Variants in CHD2 observed in about 807,000 individuals in gnomAD.
The protein encoded by CHD2 is ATP-dependent chromatin remodeler CHD2.
In CHD2, 28 loss-of-function variants were observed where a neutral mutation model predicts 243.9. The observed-to-expected ratio is 0.11, with a 90% CI of 0.09 to 0.16. The LOEUF is 0.16. Ranked by LOEUF, CHD2 falls within the 10% of genes least tolerant of loss-of-function variation. The pLI is 1.00. For synonymous variants in CHD2, 775 were observed against 779.0 expected, an observed-to-expected ratio of 0.99 and a Z score of 0.09; for missense variants, 1,386 against 2,209.8, an observed-to-expected ratio of 0.63 and a Z score of 7.47.
chr15:92,954,148 A>C (rs1041290555), intron 14 of CHD2: 4 of 153,052 alleles, frequency 2.6e-5, no homozygotes, highest in African/African-American at 9.6e-5. Context: ...CTTTATAGTA[A>C]CTTTTTTTAA....
chr15:92,968,593 C>G (rs2053798505), intron 17 of CHD2, among the ~76,000 whole-genome samples: 1 of 152,158 alleles, frequency 6.6e-6, no homozygotes, highest in Admixed American at 6.5e-5. Context: ...TTTTATCACT[C>G]ACTTGTTTAT....
At chr15:93,014,572 G>A in intron 36 of CHD2, 124 bp from the exon 37 acceptor site, 1 of 796,338 alleles carries the variant, frequency 1.3e-6, no homozygotes, top group South Asian at 1.8e-5. Context: ...TTAGGAGGTA[G>A]TAAACGCCAG....
chr15:92,924,621 A>C, intron 3 of CHD2, 69 bp downstream of exon 3: 1 of 1,324,156 alleles, frequency 7.6e-7, no homozygotes, highest in Non-Finnish European at 1.1e-6. Flanking sequence ...TTTGTTGTTC[A>C]TGAAAACTCA....
At chr15:92,931,668 A>C (rs1169853752) in intron 5 of CHD2, among the ~76,000 whole-genome samples, 1 of 152,146 alleles carries the variant, frequency 6.6e-6, no homozygotes, top group Non-Finnish European at 1.5e-5. Context: ...GAGCCACTGC[A>C]CCCAGCCTGT....
At chr15:93,004,242 C>A (rs1390776069) in intron 33 of CHD2, among the ~76,000 whole-genome samples, 1 of 151,960 alleles carries the variant, frequency 6.6e-6, no homozygotes, top group Non-Finnish European at 1.5e-5. Flanking sequence ...ATACAGATTC[C>A]TAAACCAAAG....
intron 13 of CHD2, among the ~76,000 whole-genome samples, chr15:92,949,552 A>G (rs1197800261): frequency 6.6e-6 from 1 of 152,160 alleles, no homozygotes; most frequent in Non-Finnish European, 1.5e-5. Flanking sequence ...AGTCTGTAGG[A>G]TTATCCTGTT....
rs1298978258 is a variant in CHD2 at position 92,937,641 on chromosome 15, A to G, written c.551+16A>G. ...TCCCCAGAAGGTGCACTGTTTGCTT[A>G]AGATCTCTACTTGGGATGAGCTTAA... On this transcript the variant is annotated intron_variant, in intron 6 of 38. Coordinates refer to ENST00000394196, the MANE Select transcript of CHD2 (RefSeq NM_001271.4). The G allele has an allele frequency of 6.3e-7, 1 of 1,582,618 alleles. No individual in the cohort carries two copies. The highest frequency in any genetic ancestry group is 8.7e-7 in the Non-Finnish European group (1 of 1,155,802).
Position 92,900,648 on chromosome 15 carries a change from A to T in CHD2, c.-248A>T. ...CCTAATGAGGTTTTTTTTCTTTCGG[A>T]CCTGTTTTAGTATTAATTATTGCTT... On this transcript the variant is annotated 5_prime_UTR_variant, in exon 1 of 39. Coordinates refer to ENST00000394196, the MANE Select transcript of CHD2 (RefSeq NM_001271.4). 2.5e-6 allele frequency: 1 copy of T among 397,382 alleles called. No individual in the cohort carries two copies. The highest frequency in any genetic ancestry group is 4.4e-6 in the Non-Finnish European group (1 of 225,732). The allele number at this position is 397,382 out of a possible 1,614,324, so 24.6% of individuals were successfully genotyped here.
chr15:92,928,751 T>A (rs1433491732), intron 4 of CHD2, among the ~76,000 whole-genome samples: 1 of 152,244 alleles, frequency 6.6e-6, no homozygotes, highest in Non-Finnish European at 1.5e-5. Flanking sequence ...ACAGGACATT[T>A]ACATCGTTGC....
At chr15:92,908,192 C>G in intron 2 of CHD2, among the ~76,000 whole-genome samples, 1 of 150,816 alleles carries the variant, frequency 6.6e-6, no homozygotes, top group Non-Finnish European at 1.5e-5. Flanking sequence ...TGTCTCATTT[C>G]CCCTCTCAAG....
chr15:92,967,761 T>G (rs2053786143), intron 17 of CHD2, among the ~76,000 whole-genome samples: 1 of 152,012 alleles, frequency 6.6e-6, no homozygotes, highest in Non-Finnish European at 1.5e-5. Context: ...ACTCCCGACC[T>G]CAGGTGATCC....
intron 16 of CHD2, among the ~76,000 whole-genome samples, chr15:92,960,710 T>G (rs1393406139): frequency 7.2e-6 from 1 of 139,606 alleles, no homozygotes; most frequent in Non-Finnish European, 1.6e-5. Flanking sequence ...TTGGTGTTTT[T>G]TTTTTTTTTT....
intron 13 of CHD2, chr15:92,949,314 T>G: frequency 6.5e-6 from 7 of 1,081,740 alleles, no homozygotes; most frequent in Non-Finnish European, 8.4e-6. Context: ...ATTTGGTGGG[T>G]AATTTGTCAT....
At chr15:93,005,259 G>T (rs1472263345) in intron 34 of CHD2, among the ~76,000 whole-genome samples, 1 of 152,148 alleles carries the variant, frequency 6.6e-6, no homozygotes, top group African/African-American at 2.4e-5. Context: ...GGGGTTGCCA[G>T]GAGGGCTTGT....
chr15:92,948,069 A>C (rs2053498520), intron 12 of CHD2, among the ~76,000 whole-genome samples: 1 of 152,180 alleles, frequency 6.6e-6, no homozygotes, highest in Non-Finnish European at 1.5e-5. Context: ...TCCTAAACTG[A>C]TTTGGCCACA....
rs149947056 is a variant in CHD2, at chr15:92,955,473, C to T, written c.1770C>T (p.Asn590=). The T allele has an allele frequency of 1.8e-5, 28 of 1,596,850 alleles. No homozygotes were observed. Among genetic ancestry groups the T allele is most frequent in the Middle Eastern group, 1.7e-4 (1 of 6,044 alleles). The part of the protein sequence containing the change: ...IHSQTKRLKF[N]ALITTYEILL... The stretch of plus-strand genomic sequence containing the variant: ...CCCAAACCAAAAGATTGAAGTTCAA[C>T]GCACTTATAACAACATATGAGATCC... The change falls in exon 15 of 39, where the codon AAC becomes AAT. Residue 590 remains asparagine (N), a synonymous_variant. Coordinates refer to ENST00000394196, the MANE Select transcript of CHD2 (RefSeq NM_001271.4).
At chr15:92,955,780 T>G (rs2053610763) in intron 15 of CHD2, among the ~76,000 whole-genome samples, 1 of 152,196 alleles carries the variant, frequency 6.6e-6, no homozygotes, top group African/African-American at 2.4e-5. Flanking sequence ...GAGGGGACCT[T>G]AGGTCACCAA....
chr15:92,954,208 C>G (rs17610095), intron 14 of CHD2: 11,226 of 152,346 alleles, frequency 0.074, 439 homozygotes, highest in Middle Eastern at 0.18. Flanking sequence ...CGTATAATAC[C>G]TGTAATCTTC....
At chr15:92,953,107 G>C (rs2053575788) in intron 13 of CHD2, among the ~76,000 whole-genome samples, 1 of 152,224 alleles carries the variant, frequency 6.6e-6, no homozygotes, top group African/African-American at 2.4e-5. Context: ...AAGGTAAAGA[G>C]TCTGACAAGG....
Sources: gnomAD v4.1 joint callset for allele counts (sites outside exome capture counted in the v4.1 genomes callset) on GRCh38, gnomAD v4.1.1 for gene constraint, MANE v1.5 for transcripts, NCBI Gene and HGNC (gene_info 2026-07-23, HGNC 2026-07-21) for gene names.